Variants in KIF20A observed in about 807,000 individuals in gnomAD.
KIF20A encodes the protein kinesin family member 20A, also known as kinesin-like protein KIF20A.
Under a neutral mutation model 113.0 loss-of-function variants are expected in KIF20A, and 66 were observed. The ratio of observed to expected loss-of-function variants is 0.58; its 90% CI spans 0.48 to 0.72. The LOEUF (loss-of-function observed/expected upper bound fraction) is 0.72. Among genes scored for constraint, KIF20A ranks in the 30% least tolerant of loss-of-function variants. KIF20A has a pLI of 0.00. For synonymous variants in KIF20A, 376 were observed against 402.3 expected (o/e 0.93, Z 0.78); for missense variants, 927 against 1,077.6 (o/e 0.86, Z 1.96).
chr5:138,184,492 GA>G lies in KIF20A; in HGVS notation c.1519-19del, dbSNP rs760564266. On this transcript the variant is annotated intron_variant, in intron 12 of 18. Transcript: ENST00000394894. Reference sequence around the variant, plus strand: ...AGGGACTACTTATGGAGTCAAGTAAGATATTTTTTTTCCCTCTAGCTTGTGC... The same window carrying G: ...AGGGACTACTTATGGAGTCAAGTAAGTATTTTTTTTCCCTCTAGCTTGTGC... 3.8e-5 allele frequency: 62 copies of G among 1,610,742 alleles called. No homozygotes were observed. The highest frequency in any genetic ancestry group is 5.3e-5 in the Non-Finnish European group (62 of 1,177,316).
At chr5:138,184,176 T>C in intron 11 of KIF20A, 63 bp from the exon 12 acceptor site, 1 of 1,610,856 alleles carries the variant, frequency 6.2e-7, no homozygotes, top group Non-Finnish European at 8.5e-7. Context: ...CTGGGGATGG[T>C]GCTAGGATAC....
chr5:138,180,971 C>T (rs999251098), intron 2 of KIF20A, among the ~76,000 whole-genome samples: 1 of 152,218 alleles, frequency 6.6e-6, no homozygotes, highest in African/African-American at 2.4e-5. Flanking sequence ...GCCCCTGCAC[C>T]CAGCCTCTAA....
At chr5:138,187,008 A>T in intron 18 of KIF20A, 88 bp from the exon 19 acceptor site, 1 of 940,826 alleles carries the variant, frequency 1.1e-6, no homozygotes, top group South Asian at 1.7e-5. Flanking sequence ...AGTAACTAGT[A>T]ATGGATGGTA....
At position 138,184,508 on chromosome 5, in the gene KIF20A, C is replaced by G. The variant is rs369306309; in HGVS notation, c.1519-4C>G. Reference sequence around the variant, plus strand: ...GTCAAGTAAGATATTTTTTTTCCCTCTAGCTTGTGCATGCCCCACCTATGC... The same window carrying G: ...GTCAAGTAAGATATTTTTTTTCCCTGTAGCTTGTGCATGCCCCACCTATGC... On this transcript the variant is annotated splice_polypyrimidine_tract_variant and splice_region_variant and intron_variant, in intron 12 of 18. Coordinates refer to ENST00000394894, the MANE Select transcript of KIF20A (RefSeq NM_005733.3). 5.6e-6 allele frequency: 9 copies of G among 1,611,552 alleles called. No homozygotes were observed. The African/African-American group carries it at 1.2e-4, about 22-fold the overall frequency.
At chr5:138,181,223 C>T (rs915798090) in intron 2 of KIF20A, among the ~76,000 whole-genome samples, 199 bp from the exon 3 acceptor site, 12 of 152,270 alleles carry the variant, frequency 7.9e-5, no homozygotes, top group East Asian at 1.9e-4. Flanking sequence ...AGGATAATGA[C>T]GAGACAGGGA....
At chr5:138,181,766 T>C (rs771847446) in intron 4 of KIF20A, 38 bp downstream of exon 4, 1 of 1,609,868 alleles carries the variant, frequency 6.2e-7, no homozygotes, top group African/African-American at 1.3e-5. Flanking sequence ...AAGACCAACA[T>C]GTAAGGGCAA....
In KIF20A at chr5:138,184,674, G is replaced by A. The variant is rs760039287; in HGVS notation, c.1681G>A (p.Glu561Lys). The change falls in exon 13 of 19, where the codon GAG (glutamate) becomes AAG (lysine). Residue 561 changes from glutamate to lysine, a missense_variant and splice_region_variant. Physicochemically the swap from Glu to Lys is moderately conservative, Grantham distance 56 (BLOSUM62 1). Transcript: ENST00000394894. ...NEADISMYGK[E>K]ELLQVVEAMK... Reference sequence around the variant, plus strand: ...AGCTGACATCTCCATGTATGGCAAAGAGGTGAGAATACAAGAAAGCTTTAG... The same window carrying A: ...AGCTGACATCTCCATGTATGGCAAAAAGGTGAGAATACAAGAAAGCTTTAG... 14 of 1,613,870 alleles carry A rather than the reference G, an allele frequency of 8.7e-6. No individual in the cohort carries two copies. Among genetic ancestry groups the A allele is most frequent in the Non-Finnish European group, 1.2e-5 (14 of 1,179,890 alleles).
rs139724681 is a variant in KIF20A at position 138,183,251 on chromosome 5, C to A, written c.915C>A (p.Phe305Leu). The A allele has an allele frequency of 3.7e-6, 6 of 1,613,992 alleles. No individual in the cohort carries two copies. Among genetic ancestry groups the A allele is most frequent in the Middle Eastern group, 1.6e-4 (1 of 6,084 alleles). The change falls in exon 8 of 19, where the codon TTC (phenylalanine) becomes TTA (leucine). Residue 305 changes from phenylalanine (F) to leucine (L), a missense_variant. By Grantham distance (22) the Phe-to-Leu change is conservative. Transcript: ENST00000394894. The surrounding 1 kb of genome is among the most constrained non-coding windows in gnomAD (Gnocchi z 5.2). Reference sequence around the variant, plus strand: ...TTCGCTTCTCCATCTGGATCTCATTCTTTGAGATCTACAACGAACTGCTTT... The same window carrying A: ...TTCGCTTCTCCATCTGGATCTCATTATTTGAGATCTACAACGAACTGCTTT... ...ANIRFSIWIS[F>L]FEIYNELLYD...
In KIF20A at chr5:138,183,916, TCATAA is replaced by T; in HGVS notation, c.1209-42_1209-38del. The stretch of plus-strand genomic sequence containing the variant: ...AGAATTATACAAAGGGCCAGAAGGC[TCATAA>T]CATGTGAGGCCCTTATGTCAGATCC... On this transcript the variant is annotated intron_variant, in intron 10 of 18. Coordinates refer to ENST00000394894, the MANE Select transcript of KIF20A (RefSeq NM_005733.3). This position sits in a 1 kb window ranked among gnomAD's most constrained non-coding sequence, Gnocchi z 5.2. 6.2e-7 allele frequency: 1 copy of T among 1,612,390 alleles called. No homozygotes were observed. Among genetic ancestry groups the T allele is most frequent in the Non-Finnish European group, 8.5e-7 (1 of 1,178,936 alleles).
intron 2 of KIF20A, among the ~76,000 whole-genome samples, chr5:138,180,945 G>C (rs982449589): frequency 1.3e-5 from 2 of 152,194 alleles, no homozygotes; most frequent in African/African-American, 4.8e-5. Flanking sequence ...CCAAAGTGCC[G>C]GGATTATAGG....
Position 138,182,296 on chromosome 5 carries a change from C to A in KIF20A, c.376-27C>A, listed in dbSNP as rs1463505016. On this transcript the variant is annotated intron_variant, in intron 4 of 18. Transcript: ENST00000394894. Reference sequence around the variant, plus strand: ...AGGCAAGTGGGAGATGAAGGAGAGGCCTCTAAAAAACTGGGTCTCTCTCTA... The same window carrying A: ...AGGCAAGTGGGAGATGAAGGAGAGGACTCTAAAAAACTGGGTCTCTCTCTA... The A allele has an allele frequency of 1.9e-6, 3 of 1,605,556 alleles. No individual in the cohort carries two copies. The South Asian group carries it at 3.3e-5, about 18-fold the overall frequency.
chr5:138,182,653 A>C lies in KIF20A; in HGVS notation c.582A>C (p.Gln194His), dbSNP rs767162752. 1 of 1,614,174 alleles carries C rather than the reference A, an allele frequency of 6.2e-7. No individual in the cohort carries two copies. The highest frequency in any genetic ancestry group is 1.1e-5 in the South Asian group (1 of 91,084). Residue 194 changes from glutamine (Q) to histidine (H), a missense_variant, in exon 6 of 19, where the codon CAA becomes CAC. Coordinates refer to ENST00000394894, the MANE Select transcript of KIF20A (RefSeq NM_005733.3). The part of the protein sequence containing the change: ...LALIFNSLQG[Q>H]LHPTPDLKPL... Reference sequence around the variant, plus strand: ...TGATCTTCAATAGCCTCCAAGGCCAACTTCATCCAACACCTGATCTGAAGC... The same window carrying C: ...TGATCTTCAATAGCCTCCAAGGCCACCTTCATCCAACACCTGATCTGAAGC...
Position 138,184,268 on chromosome 5 carries a change from A to G in KIF20A, c.1382A>G (p.Asp461Gly), listed in dbSNP as rs1423408900. Residue 461 changes from aspartate (D) to glycine (G), a missense_variant, in exon 12 of 19, where the codon GAC (aspartate) becomes GGC (glycine). Physicochemically the swap from Asp to Gly is moderately conservative, Grantham distance 94 (BLOSUM62 -1). Coordinates refer to ENST00000394894, the MANE Select transcript of KIF20A (RefSeq NM_005733.3). ...RSKQNLVPFR[D>G]SKLTRVFQGF... is the part of the protein sequence containing the mutation. ...AAGCAGAACCTGGTTCCCTTCCGTG[A>G]CAGCAAGTTGACTCGAGTGTTCCAA... 6.2e-7 allele frequency: 1 copy of G among 1,614,160 alleles called. No individual in the cohort carries two copies. The highest frequency in any genetic ancestry group is 1.7e-5 in the Admixed American group (1 of 60,024).
Position 138,182,585 on chromosome 5 carries a change from G to C in KIF20A, c.515-1G>C. 1 of 1,614,164 alleles carries C rather than the reference G, an allele frequency of 6.2e-7. No individual in the cohort carries two copies. The highest frequency in any genetic ancestry group is 8.5e-7 in the Non-Finnish European group (1 of 1,180,024). On this transcript the variant is annotated splice_acceptor_variant, in intron 5 of 18. Coordinates refer to ENST00000394894, the MANE Select transcript of KIF20A (RefSeq NM_005733.3). LOFTEE classifies it high-confidence loss of function. ...GCTGTCCATCTTTCATATGCCTCCA[G>C]GTACCATCAAGGATGGAGGGATTCT...
chr5:138,182,538 G>A, intron 5 of KIF20A, 48 bp from the exon 6 acceptor site: 1 of 1,612,982 alleles, frequency 6.2e-7, no homozygotes, highest in Non-Finnish European at 8.5e-7. Flanking sequence ...TCTGAGTTAG[G>A]GGGAGAAGGG....
chr5:138,183,373 C>A lies in KIF20A; in HGVS notation c.1027+10C>A. On this transcript the variant is annotated intron_variant, in intron 8 of 18. Coordinates refer to ENST00000394894, the MANE Select transcript of KIF20A (RefSeq NM_005733.3). The surrounding 1 kb of genome is among the most constrained non-coding windows in gnomAD (Gnocchi z 5.2). Reference sequence around the variant, plus strand: ...AATCCCTATGTGAAAGGTAAAGGAACATGGGGAAAGCTGGCATGAACCCTG... The same window carrying A: ...AATCCCTATGTGAAAGGTAAAGGAAAATGGGGAAAGCTGGCATGAACCCTG... 6.2e-7 allele frequency: 1 copy of A among 1,613,912 alleles called. No homozygotes were observed. Among genetic ancestry groups the A allele is most frequent in the Non-Finnish European group, 8.5e-7 (1 of 1,179,854 alleles).
intron 16 of KIF20A, 79 bp from the exon 17 acceptor site, chr5:138,185,882 A>C: frequency 7.3e-7 from 1 of 1,361,994 alleles, no homozygotes; most frequent in South Asian, 1.2e-5. Context: ...GCTGCAAGCT[A>C]CTGTTACCTC....
Position 138,183,609 on chromosome 5 carries a change from C to G in KIF20A, c.1139+28C>G. 8 of 1,609,512 alleles carry G rather than the reference C, an allele frequency of 5.0e-6. No homozygotes were observed. The highest frequency in any genetic ancestry group is 6.8e-6 in the Non-Finnish European group (8 of 1,176,026). On this transcript the variant is annotated intron_variant, in intron 9 of 18. Coordinates refer to ENST00000394894, the MANE Select transcript of KIF20A (RefSeq NM_005733.3). This position sits in a 1 kb window ranked among gnomAD's most constrained non-coding sequence, Gnocchi z 5.2. ...GAGTAGATTGTAAGAATAAACTCTT[C>G]ACTGTGTTCCAGGAAACATTAGTCC...
intron 2 of KIF20A, 123 bp from the exon 3 acceptor site, chr5:138,181,299 A>G: frequency 1.3e-6 from 1 of 764,120 alleles, no homozygotes. Flanking sequence ...GAGTAGCTGC[A>G]CAGAGACATT....
Sources: gnomAD v4.1 joint callset for allele counts (sites outside exome capture counted in the v4.1 genomes callset) on GRCh38, gnomAD v4.1.1 for gene constraint, Gnocchi (gnomAD v3.1) non-coding constraint, MANE v1.5 for transcripts, NCBI Gene and HGNC (gene_info 2026-07-23, HGNC 2026-07-21) for gene names.